Variants in PTPRD observed in about 807,000 individuals in gnomAD.
PTPRD encodes receptor-type tyrosine-protein phosphatase delta.
In PTPRD, 34 loss-of-function variants were observed where a neutral mutation model predicts 214.5. The observed-to-expected ratio is 0.16, with a 90% CI of 0.12 to 0.21. The LOEUF (loss-of-function observed/expected upper bound fraction) is 0.21. Among genes scored for constraint, PTPRD ranks in the 10% least tolerant of loss-of-function variants. The probability of loss-of-function intolerance (pLI) is 1.00; values close to 1 mark genes in which losing one functional copy is unlikely to be tolerated. For synonymous variants in PTPRD, 1,128 were observed against 845.7 expected (o/e 1.33, Z -5.79); for missense variants, 2,545 against 2,398.7 (o/e 1.06, Z -1.27).
chr9:10,321,993 A>G (rs12003726), intron 3 of PTPRD, among the ~76,000 whole-genome samples: 12,860 of 152,054 alleles, frequency 0.085, 1,243 homozygotes, highest in African/African-American at 0.21. Context: ...TAATGGCAGA[A>G]ATGGTAGTAT....
At chr9:9,373,882 T>C (rs906692782) in intron 9 of PTPRD, among the ~76,000 whole-genome samples, 5 of 152,128 alleles carry the variant, frequency 3.3e-5, no homozygotes, top group African/African-American at 1.2e-4. Context: ...ATTATTTTCA[T>C]GTATTTGTTA....
Position 9,834,592 on chromosome 9 carries a change from G to C in PTPRD, c.-367-67741C>G, listed in dbSNP as rs904798354. Among the ~76,000 whole-genome samples, 3 of 152,134 alleles carry C rather than the reference G, an allele frequency of 2.0e-5. No homozygotes were observed. In the East Asian group the frequency reaches 5.8e-4, roughly 29 times the overall value. Reference sequence around the variant, plus strand: ...GCAGGATTATTTTACTGGTCCATCAGTTTCTGAAATAAGTACTAGTTTGGC... The same window carrying C: ...GCAGGATTATTTTACTGGTCCATCACTTTCTGAAATAAGTACTAGTTTGGC... On this transcript the variant is annotated intron_variant, in intron 5 of 45. Transcript: ENST00000381196.
At chr9:9,570,729 T>C (rs755420065) in intron 8 of PTPRD, among the ~76,000 whole-genome samples, 2 of 151,516 alleles carry the variant, frequency 1.3e-5, no homozygotes, top group Admixed American at 6.6e-5. Context: ...TCTAATTAGC[T>C]CTTGATTATT....
At chr9:8,601,343 A>G (rs963864371) in intron 14 of PTPRD, among the ~76,000 whole-genome samples, 3 of 152,190 alleles carry the variant, frequency 2.0e-5, no homozygotes, top group African/African-American at 7.2e-5. Flanking sequence ...GAAGGCCTGG[A>G]TGGCTTTGCC....
intron 8 of PTPRD, among the ~76,000 whole-genome samples, chr9:9,561,141 G>A (rs1246103732): frequency 6.6e-6 from 1 of 152,110 alleles, no homozygotes; most frequent in Non-Finnish European, 1.5e-5. Flanking sequence ...CTATGTTATG[G>A]CTACATGGTT....
In PTPRD at chr9:9,520,012, T is replaced by C. The variant is rs571363542; in HGVS notation, c.-237+54720A>G. ...GAGCCTGAAAATAGGCCTATGTATG[T>C]AGACTTTCTTTAGAATAAAGTTGGT... is the stretch of plus-strand genomic sequence containing the variant. On this transcript the variant is annotated intron_variant, in intron 8 of 45. Transcript: ENST00000381196. Among the ~76,000 whole-genome samples the C allele has an allele frequency of 2.7e-4, 41 of 152,128 alleles. No individual in the cohort carries two copies. The South Asian group carries it at 7.9e-3, about 29-fold the overall frequency.
intron 2 of PTPRD, among the ~76,000 whole-genome samples, chr9:10,539,923 C>CAT (rs752974875): frequency 1.3e-5 from 2 of 152,192 alleles, no homozygotes; most frequent in Non-Finnish European, 2.9e-5. Context: ...TCATTATTAT[C>CAT]ATTGTATGCC....
chr9:9,555,336 C>T (rs1353247698), intron 8 of PTPRD, among the ~76,000 whole-genome samples: 1 of 151,954 alleles, frequency 6.6e-6, no homozygotes, highest in Non-Finnish European at 1.5e-5. Context: ...TGACCAGTCA[C>T]CTGTTGAGCA....
At chr9:9,840,289 A>G (rs911258608) in intron 5 of PTPRD, among the ~76,000 whole-genome samples, 2 of 152,082 alleles carry the variant, frequency 1.3e-5, no homozygotes, top group Non-Finnish European at 2.9e-5. Flanking sequence ...ATGAGCCACT[A>G]TGGCTGGCCT....
chr9:8,466,756 T>C (rs951145988), intron 31 of PTPRD, among the ~76,000 whole-genome samples: 1 of 151,898 alleles, frequency 6.6e-6, no homozygotes, highest in Admixed American at 6.6e-5. Flanking sequence ...GAAAAAGGAA[T>C]GAACCTTGTC....
chr9:8,454,678 A>C, intron 33 of PTPRD: 1 of 1,455,906 alleles, frequency 6.9e-7, no homozygotes, highest in Non-Finnish European at 9.5e-7. Flanking sequence ...ATGACAACCA[A>C]GATTTAAGAA....
intron 11 of PTPRD, among the ~76,000 whole-genome samples, chr9:8,904,317 T>C (rs1434876869): frequency 6.6e-6 from 1 of 152,182 alleles, no homozygotes; most frequent in East Asian, 1.9e-4. Context: ...TATATATCCA[T>C]ATTCAAATTT....
chr9:10,163,314 A>T (rs1478531743), intron 3 of PTPRD, among the ~76,000 whole-genome samples: 2 of 151,400 alleles, frequency 1.3e-5, no homozygotes, highest in African/African-American at 4.8e-5. Context: ...ACTGTCTTTG[A>T]AAATGTACCA....
intron 7 of PTPRD, among the ~76,000 whole-genome samples, chr9:9,733,372 C>G (rs372530581): frequency 7.2e-5 from 11 of 152,098 alleles, no homozygotes; most frequent in Non-Finnish European, 1.3e-4. Flanking sequence ...TGATATACAA[C>G]TTTAAGTTTT....
chr9:9,645,045 C>T (rs998228617), intron 7 of PTPRD, among the ~76,000 whole-genome samples: 1 of 152,218 alleles, frequency 6.6e-6, no homozygotes, highest in Non-Finnish European at 1.5e-5. Context: ...ACTTAGCCAT[C>T]TGCAGACAGC....
At chr9:10,019,092 C>A (rs1410625492) in intron 4 of PTPRD, among the ~76,000 whole-genome samples, 2 of 152,086 alleles carry the variant, frequency 1.3e-5, no homozygotes, top group African/African-American at 2.4e-5. Context: ...AAAAAACAAA[C>A]AACCCCATCA....
At chr9:10,138,117 A>G (rs1193432640) in intron 3 of PTPRD, among the ~76,000 whole-genome samples, 2 of 152,096 alleles carry the variant, frequency 1.3e-5, no homozygotes, top group African/African-American at 2.4e-5. Context: ...ATTTCAAAAA[A>G]TAAACAAGAT....
chr9:9,867,007 G>C (rs528044173), intron 5 of PTPRD, among the ~76,000 whole-genome samples: 1 of 151,998 alleles, frequency 6.6e-6, no homozygotes, highest in Non-Finnish European at 1.5e-5. Context: ...TGGCTTTATA[G>C]TATTCAAACT....
intron 12 of PTPRD, among the ~76,000 whole-genome samples, chr9:8,686,496 C>T (rs2097684039): frequency 6.6e-6 from 1 of 152,184 alleles, no homozygotes. Flanking sequence ...TTAATGAACA[C>T]CTCCTACATT....
Sources: allele counts gnomAD v4.1 joint callset (sites outside exome capture counted in the v4.1 genomes callset), GRCh38; gene constraint gnomAD v4.1.1; transcripts MANE v1.5; gene names NCBI Gene and HGNC (gene_info 2026-07-23, HGNC 2026-07-21).